SORCS3: variants seen among roughly 807,000 people sequenced by gnomAD.
SORCS3 encodes the protein sortilin related VPS10 domain containing receptor 3.
SORCS3 carries 57 observed loss-of-function variants against 146.3 expected under a neutral mutation model. The ratio of observed to expected loss-of-function variants is 0.39; its 90% CI spans 0.31 to 0.49. SORCS3 has a LOEUF of 0.49. Ranked by LOEUF, SORCS3 falls within the 20% of genes least tolerant of loss-of-function variation. The probability of loss-of-function intolerance (pLI) is 0.92; values close to 1 mark genes in which losing one functional copy is unlikely to be tolerated. For synonymous variants in SORCS3, 653 were observed against 618.5 expected (o/e 1.06, Z -0.83); for missense variants, 1,341 against 1,575.5 (o/e 0.85, Z 2.52).
chr10:104,642,398 C>A (rs1462278493), intron 1 of SORCS3, among the ~76,000 whole-genome samples: 3 of 142,912 alleles, frequency 2.1e-5, no homozygotes, highest in African/African-American at 5.3e-5. Flanking sequence ...CCCCACCCCC[C>A]CTCCCGTCAC....
chr10:105,022,504 T>C (rs1376868313), intron 4 of SORCS3, among the ~76,000 whole-genome samples: 2 of 152,046 alleles, frequency 1.3e-5, no homozygotes, highest in African/African-American at 4.8e-5. Flanking sequence ...GTTTTTACTA[T>C]GATGGCCAGG....
At chr10:104,694,893 T>A (rs971913527) in intron 1 of SORCS3, among the ~76,000 whole-genome samples, 1 of 152,224 alleles carries the variant, frequency 6.6e-6, no homozygotes, top group Non-Finnish European at 1.5e-5. Flanking sequence ...TGGAAAACAG[T>A]AGGTCCTCTG....
intron 10 of SORCS3, 137 bp downstream of exon 10, chr10:105,157,421 A>T (rs903278090): frequency 9.9e-7 from 1 of 1,008,172 alleles, no homozygotes; most frequent in Non-Finnish European, 1.4e-6. Flanking sequence ...CTTGCAGGGC[A>T]TTGGTGTGTG....
At chr10:104,746,207 G>A (rs1185143136) in intron 1 of SORCS3, among the ~76,000 whole-genome samples, 1 of 151,304 alleles carries the variant, frequency 6.6e-6, no homozygotes, top group African/African-American at 2.4e-5. Flanking sequence ...TGCGATCTCG[G>A]CTCACTGCAA....
chr10:104,959,951 A>T (rs2054783274), intron 3 of SORCS3, among the ~76,000 whole-genome samples: 1 of 152,080 alleles, frequency 6.6e-6, no homozygotes, highest in Non-Finnish European at 1.5e-5. Flanking sequence ...AACGGACTCT[A>T]AGGCACCATT....
At position 104,770,037 on chromosome 10, in the gene SORCS3, G is replaced by A. The variant is rs187435003; in HGVS notation, c.628-72755G>A. Among the ~76,000 whole-genome samples the A allele has an allele frequency of 2.6e-5, 4 of 152,248 alleles. No individual in the cohort carries two copies. The Middle Eastern group carries it at 0.01, about 388-fold the overall frequency. On this transcript the variant is annotated intron_variant, in intron 1 of 26. Coordinates refer to ENST00000369701, the MANE Select transcript of SORCS3 (RefSeq NM_014978.3). ...CATGTAGTCATCAAAGAGCACTTAT[G>A]AGTGATTTCAAGACAATTTCATCAG...
chr10:104,662,032 A>G (rs2015709178), intron 1 of SORCS3, among the ~76,000 whole-genome samples: 1 of 152,180 alleles, frequency 6.6e-6, no homozygotes, highest in South Asian at 2.1e-4. Flanking sequence ...GGTTATTACT[A>G]TCTCTCTTTA....
intron 1 of SORCS3, among the ~76,000 whole-genome samples, chr10:104,677,292 C>T (rs954035369): frequency 1.3e-5 from 2 of 152,150 alleles, no homozygotes; most frequent in African/African-American, 2.4e-5. Flanking sequence ...GCTCCCCTGT[C>T]GGTTTGCTTT....
At chr10:104,909,548 G>C (rs2018944437) in intron 2 of SORCS3, among the ~76,000 whole-genome samples, 1 of 152,066 alleles carries the variant, frequency 6.6e-6, no homozygotes, top group Admixed American at 6.5e-5. Flanking sequence ...AGAGCTCAGG[G>C]GCAAGAAGAG....
At chr10:104,883,856 G>C (rs2018654095) in intron 2 of SORCS3, among the ~76,000 whole-genome samples, 1 of 152,076 alleles carries the variant, frequency 6.6e-6, no homozygotes, top group African/African-American at 2.4e-5. Flanking sequence ...ATAGACTCCT[G>C]CCTTTGCTGT....
chr10:104,940,898 A>G (rs1021010810), intron 3 of SORCS3, among the ~76,000 whole-genome samples: 2 of 152,194 alleles, frequency 1.3e-5, no homozygotes, highest in Admixed American at 1.3e-4. Context: ...TTTAAAGTTC[A>G]TATGGAACCA....
intron 1 of SORCS3, among the ~76,000 whole-genome samples, chr10:104,688,372 G>A (rs555038723): frequency 6.6e-5 from 10 of 152,336 alleles, no homozygotes; most frequent in African/African-American, 2.2e-4. Flanking sequence ...GCAGTTGGAG[G>A]GGGGGACCCA....
chr10:105,011,740 G>T (rs111538417), intron 4 of SORCS3, among the ~76,000 whole-genome samples: 1 of 152,008 alleles, frequency 6.6e-6, no homozygotes, highest in South Asian at 2.1e-4. Flanking sequence ...CTTTCCAACC[G>T]TCCTTTCACG....
chr10:104,862,155 G>T (rs767680156), intron 2 of SORCS3, among the ~76,000 whole-genome samples: 7 of 152,200 alleles, frequency 4.6e-5, no homozygotes, highest in Non-Finnish European at 1.0e-4. Context: ...TCATAACATT[G>T]GGGAAGTGCC....
intron 4 of SORCS3, among the ~76,000 whole-genome samples, chr10:105,030,715 C>T (rs1815363936): frequency 6.6e-6 from 1 of 151,978 alleles, no homozygotes. Context: ...GCCTTAGCCT[C>T]CCACGTAGCT....
chr10:105,129,331 C>CTCTTTTTT (rs1172062304), intron 7 of SORCS3, among the ~76,000 whole-genome samples: 2 of 104,634 alleles, frequency 1.9e-5, no homozygotes, highest in African/African-American at 7.8e-5. Flanking sequence ...CTTTCTTTCT[C>CTCTTTTTT]TTTTTTTTTT....
Position 105,256,972 on chromosome 10 carries a change from A to G in SORCS3, c.3443+48A>G, listed in dbSNP as rs776192329. The stretch of plus-strand genomic sequence containing the variant: ...TTAGTAGTGGGGTTGGGGTCATTGC[A>G]AATGATTCTTCCTATAACTAACTTT... On this transcript the variant is annotated intron_variant, in intron 25 of 26. Transcript: ENST00000369701. The G allele has an allele frequency of 3.1e-6, 4 of 1,309,002 alleles. No individual in the cohort carries two copies. The South Asian group carries it at 3.6e-5, about 12-fold the overall frequency. 81.1% of individuals were successfully genotyped at this position (1,309,002 alleles called of 1,614,324 possible). A position where few individuals can be genotyped will look rare whatever the true frequency, so the allele number is the denominator to read the frequency against.
At position 104,990,131 on chromosome 10, in the gene SORCS3, A is replaced by T. The variant is rs373060506; in HGVS notation, c.954+12638A>T. Reference sequence around the variant, plus strand: ...TACCCCTCTGTGCAGAAAGCTATAGAAGTACCTGGGAATTAGGGGCAGCCT... The same window carrying T: ...TACCCCTCTGTGCAGAAAGCTATAGTAGTACCTGGGAATTAGGGGCAGCCT... On this transcript the variant is annotated intron_variant, in intron 4 of 26. Transcript: ENST00000369701. Among the ~76,000 whole-genome samples the T allele has an allele frequency of 2.1e-3, 323 of 152,326 alleles. 10 individuals carry two copies. In the South Asian group the frequency reaches 0.066, roughly 31 times the overall value.
chr10:104,789,456 GA>G (rs2017472715), intron 1 of SORCS3, among the ~76,000 whole-genome samples: 1 of 152,150 alleles, frequency 6.6e-6, no homozygotes, highest in Non-Finnish European at 1.5e-5. Flanking sequence ...CAGATTCCTG[GA>G]GGGCAGGGAT....
Sources: gnomAD v4.1 joint callset for allele counts (sites outside exome capture counted in the v4.1 genomes callset) on GRCh38, gnomAD v4.1.1 for gene constraint, MANE v1.5 for transcripts, NCBI Gene and HGNC (gene_info 2026-07-23, HGNC 2026-07-21) for gene names.